FGF20: variants seen among roughly 807,000 people sequenced by gnomAD.
FGF20 encodes the protein fibroblast growth factor 20.
FGF20 carries 8 observed loss-of-function variants against 16.7 expected under a neutral mutation model. The ratio of observed to expected loss-of-function variants is 0.48; its 90% CI spans 0.28 to 0.87. The LOEUF is 0.87. Ranked by LOEUF, FGF20 falls within the 40% of genes least tolerant of loss-of-function variation. The pLI is 0.10. For missense variants in FGF20, 397 were observed against 281.4 expected, an observed-to-expected ratio of 1.41 and a Z score of -2.94; for synonymous variants, 161 against 118.6, an observed-to-expected ratio of 1.36 and a Z score of -2.32.
rs1382423605 is a variant in FGF20 at position 17,002,005 on chromosome 8, A to G, written c.28T>C (p.Phe10Leu). The change falls in exon 1 of 3, where the codon TTT (phenylalanine) becomes CTT (leucine). Residue 10 changes from phenylalanine (F) to leucine (L), a missense_variant. By Grantham distance (22) the Phe-to-Leu change is conservative. Coordinates refer to ENST00000180166, the MANE Select transcript of FGF20 (RefSeq NM_019851.3). MAPLAEVGG[F>L]LGGLEGLGQQ... is the part of the protein sequence containing the mutation. ...CCCAAGCCCTCCAGGCCGCCCAGAA[A>G]GCCCCCGACTTCGGCTAAGGGAGCC... The G allele has an allele frequency of 3.9e-6, 6 of 1,534,676 alleles. 1 individual carries two copies. The South Asian group carries it at 6.0e-5, about 15-fold the overall frequency.
At chr8:16,993,447 T>G (rs1159702965) in intron 2 of FGF20, 130 bp from the exon 3 acceptor site, 3 of 964,138 alleles carry the variant, frequency 3.1e-6, no homozygotes, top group African/African-American at 3.3e-5. Context: ...GGTTTTGCTT[T>G]ATTTTGTTTT....
Position 17,001,869 on chromosome 8 carries a change from G to T in FGF20, c.164C>A (p.Ala55Glu), listed in dbSNP as rs1053462209. 3 of 1,462,126 alleles carry T rather than the reference G, an allele frequency of 2.1e-6. No homozygotes were observed. The highest frequency in any genetic ancestry group is 1.5e-5 in the African/African-American group (1 of 67,816). The allele number at this position is 1,462,126 out of a possible 1,614,324, so 90.6% of individuals were successfully genotyped here. A position where few individuals can be genotyped will look rare whatever the true frequency, so the allele number is the denominator to read the frequency against. ...GATGCCGTGCAGGTGCGCCAGCTGC[G>T]CAGCCCCCGGCCCGCCGCGCGCGCT... is the stretch of plus-strand genomic sequence containing the variant. ...ERSARGGPGA[A>E]QLAHLHGILR... is the part of the protein sequence containing the mutation. Residue 55 changes from alanine (A) to glutamate (E), a missense_variant, in exon 1 of 3, where the codon GCG becomes GAG. By Grantham distance (107) the Ala-to-Glu change is moderately radical. Coordinates refer to ENST00000180166, the MANE Select transcript of FGF20 (RefSeq NM_019851.3).
Position 17,002,320 on chromosome 8 carries a change from A to C in FGF20, c.-288T>G, listed in dbSNP as rs553932286. 1.8e-4 allele frequency: 64 copies of C among 365,172 alleles called. No individual in the cohort carries two copies. Among genetic ancestry groups the C allele is most frequent in the Non-Finnish European group, 2.0e-4 (42 of 207,276 alleles). 22.6% of individuals were successfully genotyped at this position (365,172 alleles called of 1,614,324 possible). Reference sequence around the variant, plus strand: ...ACTAGGGCTGTTGGCTGGGGCTCCAATTCCGCAAACTGATCAGATCAGAGT... The same window carrying C: ...ACTAGGGCTGTTGGCTGGGGCTCCACTTCCGCAAACTGATCAGATCAGAGT... On this transcript the variant is annotated 5_prime_UTR_variant, in exon 1 of 3. Transcript: ENST00000180166.
Position 17,002,321 on chromosome 8 carries a change from T to G in FGF20, c.-289A>C. ...CTAGGGCTGTTGGCTGGGGCTCCAA[T>G]TCCGCAAACTGATCAGATCAGAGTC... is the stretch of plus-strand genomic sequence containing the variant. On this transcript the variant is annotated 5_prime_UTR_variant, in exon 1 of 3. Coordinates refer to ENST00000180166, the MANE Select transcript of FGF20 (RefSeq NM_019851.3). 5.6e-6 allele frequency: 2 copies of G among 354,814 alleles called. No homozygotes were observed. The highest frequency in any genetic ancestry group is 5.0e-6 in the Non-Finnish European group (1 of 200,566). 22.0% of individuals were successfully genotyped at this position (354,814 alleles called of 1,614,324 possible).
intron 2 of FGF20, among the ~76,000 whole-genome samples, chr8:16,994,863 T>A (rs899159687): frequency 6.6e-6 from 1 of 151,522 alleles, no homozygotes; most frequent in Non-Finnish European, 1.5e-5. Flanking sequence ...TTTAGGCAAC[T>A]GTGAACAAAT....
rs1010454392 is a variant in FGF20 at position 16,997,196 on chromosome 8, T to G, written c.287-1438A>C. Among the ~76,000 whole-genome samples the G allele has an allele frequency of 3.9e-5, 6 of 152,300 alleles. No individual in the cohort carries two copies. The Middle Eastern group carries it at 0.01, about 259-fold the overall frequency. On this transcript the variant is annotated intron_variant, in intron 1 of 2. Coordinates refer to ENST00000180166, the MANE Select transcript of FGF20 (RefSeq NM_019851.3). Reference sequence around the variant, plus strand: ...AACACCTCCCTCTGGATCACCCTTTTTTTTCTGCACACACTAAACTTTGGA... The same window carrying G: ...AACACCTCCCTCTGGATCACCCTTTGTTTTCTGCACACACTAAACTTTGGA...
At chr8:17,001,508 T>C (rs1309689534) in intron 1 of FGF20, among the ~76,000 whole-genome samples, 1 of 152,018 alleles carries the variant, frequency 6.6e-6, no homozygotes, top group Non-Finnish European at 1.5e-5. Flanking sequence ...GCCCCCAGCA[T>C]CTGGAGCTGC....
chr8:16,998,572 C>T (rs17515034), intron 1 of FGF20, among the ~76,000 whole-genome samples: 25,930 of 152,030 alleles, frequency 0.17, 2,645 homozygotes, highest in East Asian at 0.46. Context: ...TTTTCTAATG[C>T]CCAGTGTCCC....
intron 2 of FGF20, among the ~76,000 whole-genome samples, chr8:16,994,649 A>G (rs561182337): frequency 7.9e-5 from 12 of 152,330 alleles, no homozygotes; most frequent in African/African-American, 2.2e-4. Flanking sequence ...TTCTCAGTGT[A>G]TATTAAGACT....
At chr8:16,997,102 T>C (rs1810071242) in intron 1 of FGF20, among the ~76,000 whole-genome samples, 1 of 152,228 alleles carries the variant, frequency 6.6e-6, no homozygotes, top group South Asian at 2.1e-4. Context: ...TTTCCATTTA[T>C]CAGTAAACTG....
chr8:17,000,818 C>CGTTA (rs1278468106), intron 1 of FGF20, among the ~76,000 whole-genome samples: 1 of 151,974 alleles, frequency 6.6e-6, no homozygotes, highest in Non-Finnish European at 1.5e-5. Flanking sequence ...ACTGCCTTAA[C>CGTTA]AATCATTCTC....
Position 17,002,333 on chromosome 8 carries a change from A to C in FGF20, c.-301T>G, listed in dbSNP as rs1323448202. ...GCTGGGGCTCCAATTCCGCAAACTG[A>C]TCAGATCAGAGTCCTGTGTACATAC... On this transcript the variant is annotated 5_prime_UTR_variant, in exon 1 of 3. Coordinates refer to ENST00000180166, the MANE Select transcript of FGF20 (RefSeq NM_019851.3). Among the ~76,000 whole-genome samples the C allele has an allele frequency of 6.6e-6, 1 of 152,140 alleles. No homozygotes were observed. Among genetic ancestry groups the C allele is most frequent in the East Asian group, 1.9e-4 (1 of 5,176 alleles).
chr8:16,993,070 C>G lies in FGF20; in HGVS notation c.*2G>C, dbSNP rs749890928. On this transcript the variant is annotated 3_prime_UTR_variant, in exon 3 of 3. Coordinates refer to ENST00000180166, the MANE Select transcript of FGF20 (RefSeq NM_019851.3). ...ACTCTTCCATAATGTCACTATCGCA[C>G]TTCAAGTGTACATCAGTAGGTCCTT... The G allele has an allele frequency of 3.1e-6, 5 of 1,613,442 alleles. No homozygotes were observed. The highest frequency in any genetic ancestry group is 3.4e-6 in the Non-Finnish European group (4 of 1,179,854).
At chr8:16,993,393 A>G (rs1809963857) in intron 2 of FGF20, 76 bp from the exon 3 acceptor site, 1 of 1,383,940 alleles carries the variant, frequency 7.2e-7, no homozygotes, top group Non-Finnish European at 9.8e-7. Flanking sequence ...TCAACTCTAT[A>G]TTTTCATTTC....
Position 16,993,061 on chromosome 8 carries a change from A to T in FGF20, c.*11T>A. ...TGTGGTTTGACTCTTCCATAATGTCACTATCGCACTTCAAGTGTACATCAG... is the reference window on the plus strand; with the variant it reads ...TGTGGTTTGACTCTTCCATAATGTCTCTATCGCACTTCAAGTGTACATCAG... On this transcript the variant is annotated 3_prime_UTR_variant, in exon 3 of 3. Transcript: ENST00000180166. The T allele has an allele frequency of 1.9e-6, 3 of 1,612,314 alleles. No individual in the cohort carries two copies. Among genetic ancestry groups the T allele is most frequent in the Non-Finnish European group, 2.5e-6 (3 of 1,179,236 alleles).
chr8:16,995,832 C>T, intron 1 of FGF20, 74 bp from the exon 2 acceptor site: 1 of 830,498 alleles, frequency 1.2e-6, no homozygotes, highest in Non-Finnish European at 1.9e-6. Context: ...CAAAAATCTT[C>T]CAAATAGTAG....
At chr8:16,996,043 G>T (rs1229131235) in intron 1 of FGF20, among the ~76,000 whole-genome samples, 1 of 152,216 alleles carries the variant, frequency 6.6e-6, no homozygotes, top group Admixed American at 6.5e-5. Context: ...ACAGGATGGA[G>T]CCTTGGGAAG....
In FGF20 at chr8:16,999,699, T is replaced by TG. The variant is rs1341207925; in HGVS notation, c.286+2047_286+2048insC. ...AACACGCCCAGCTAATTTTTTTTTT[T>TG]TTTTTGTATTTTTTGTATTTTTAGT... On this transcript the variant is annotated intron_variant, in intron 1 of 2. Transcript: ENST00000180166. 5.5e-3 allele frequency among the ~76,000 whole-genome samples: 809 copies of TG among 147,812 alleles called. 10 individuals carry two copies. The highest frequency in any genetic ancestry group is 0.018 in the African/African-American group (715 of 39,828).
chr8:16,999,549 G>A (rs1450095343), intron 1 of FGF20, among the ~76,000 whole-genome samples: 1 of 115,600 alleles, frequency 8.7e-6, no homozygotes, highest in African/African-American at 3.3e-5. Flanking sequence ...TTGAGACAGA[G>A]TCTTGGTCTG....
Sources: gnomAD v4.1 joint callset for allele counts (sites outside exome capture counted in the v4.1 genomes callset) on GRCh38, gnomAD v4.1.1 for gene constraint, MANE v1.5 for transcripts, NCBI Gene and HGNC (gene_info 2026-07-23, HGNC 2026-07-21) for gene names.